ATP6V1C2: variants seen among roughly 807,000 people sequenced by gnomAD.
ATP6V1C2 encodes the protein ATPase H+ transporting V1 subunit C2.
A neutral mutation model predicts 56.8 loss-of-function variants in ATP6V1C2; 45 were observed. The observed-to-expected ratio is 0.79, with a 90% CI of 0.62 to 1.02. The LOEUF (loss-of-function observed/expected upper bound fraction) is 1.02. Among genes scored for constraint, ATP6V1C2 ranks in the 50% least tolerant of loss-of-function variants. The probability of loss-of-function intolerance (pLI) is 0.00; values close to 1 mark genes in which losing one functional copy is unlikely to be tolerated. For missense variants in ATP6V1C2, 463 were observed against 519.7 expected, an observed-to-expected ratio of 0.89 and a Z score of 1.06; for synonymous variants, 220 against 201.3, an observed-to-expected ratio of 1.09 and a Z score of -0.79.
At position 10,785,003 on chromosome 2, in the gene ATP6V1C2, C is replaced by T. The variant is rs201556867; in HGVS notation, c.*1740C>T. Reference sequence around the variant, plus strand: ...GGAAAGCCCCGCCTCCTACAGGTGCCGTGGAGCCACGCCCAAAAGAGAGCT... The same window carrying T: ...GGAAAGCCCCGCCTCCTACAGGTGCTGTGGAGCCACGCCCAAAAGAGAGCT... On this transcript the variant is annotated 3_prime_UTR_variant, in exon 14 of 14. Transcript: ENST00000272238. The T allele has an allele frequency of 1.3e-4, 206 of 1,583,344 alleles. 1 individual carries two copies. Among genetic ancestry groups the T allele is most frequent in the Admixed American group, 9.4e-4 (53 of 56,412 alleles).
In ATP6V1C2 at chr2:10,785,049, A is replaced by C; in HGVS notation, c.*1786A>C. ...GAGCTCCCTTAGGGAAAAATGACCA[A>C]AACACACACACACATTTACAATGGA... On this transcript the variant is annotated 3_prime_UTR_variant, in exon 14 of 14. Coordinates refer to ENST00000272238, the MANE Select transcript of ATP6V1C2 (RefSeq NM_001039362.2). 1 of 1,466,304 alleles carries C rather than the reference A, an allele frequency of 6.8e-7. No individual in the cohort carries two copies. The highest frequency in any genetic ancestry group is 9.4e-7 in the Non-Finnish European group (1 of 1,065,860). The allele number at this position is 1,466,304 out of a possible 1,614,324, so 90.8% of individuals were successfully genotyped here.
intron 4 of ATP6V1C2, among the ~76,000 whole-genome samples, chr2:10,762,709 C>G (rs1301066138): frequency 6.6e-6 from 1 of 152,116 alleles, no homozygotes; most frequent in African/African-American, 2.4e-5. Flanking sequence ...CCATCCCCAT[C>G]CCTCCCACCT....
rs561268987 is a variant in ATP6V1C2, at chr2:10,739,278, C to T, written c.197+12709C>T. ...AGCCTGGGCAATAAGAGCAAAACTC[C>T]GTCTCAAAAATAAATAAATAAATAA... On this transcript the variant is annotated intron_variant, in intron 3 of 13. Coordinates refer to ENST00000272238, the MANE Select transcript of ATP6V1C2 (RefSeq NM_001039362.2). 4.0e-4 allele frequency among the ~76,000 whole-genome samples: 60 copies of T among 148,942 alleles called. 1 individual carries two copies. Among genetic ancestry groups the T allele is most frequent in the South Asian group, 1.7e-3 (8 of 4,748 alleles).
chr2:10,775,007 A>G lies in ATP6V1C2; in HGVS notation c.761A>G (p.Glu254Gly). ...ACTGTTCGTGAATTTTACTATGATG[A>G]GAAGGAAATTGAAAGGGAAAGGGAG... ...KFTVREFYYDEKEIEREREEM... is the reference protein window; with the variant it reads ...KFTVREFYYDGKEIEREREEM... The change falls in exon 10 of 14, where the codon GAG becomes GGG. Residue 254 changes from glutamate (E) to glycine (G), a missense_variant. By Grantham distance (98) the Glu-to-Gly change is moderately conservative (BLOSUM62 -2). Coordinates refer to ENST00000272238, the MANE Select transcript of ATP6V1C2 (RefSeq NM_001039362.2). 6.2e-7 allele frequency: 1 copy of G among 1,614,052 alleles called. No homozygotes were observed. Among genetic ancestry groups the G allele is most frequent in the Non-Finnish European group, 8.5e-7 (1 of 1,180,008 alleles).
At position 10,768,766 on chromosome 2, in the gene ATP6V1C2, C is replaced by T. The variant is rs201222169; in HGVS notation, c.426C>T (p.Tyr142=). ...ACCTGAAGTCCCGAACGGCCGCCTA[C>T]AACACTCTGAAGACAAACCTGGAGA... The part of the protein sequence containing the change: ...EMDLKSRTAA[Y]NTLKTNLENL... The change falls in exon 6 of 14, where the codon TAC becomes TAT. Residue 142 remains tyrosine (Y), a synonymous_variant. Transcript: ENST00000272238. 17 of 1,614,076 alleles carry T rather than the reference C, an allele frequency of 1.1e-5. No homozygotes were observed. The East Asian group carries it at 3.3e-4, about 32-fold the overall frequency.
At chr2:10,728,774 CAA>C (rs370117201) in intron 3 of ATP6V1C2, among the ~76,000 whole-genome samples, 119 of 74,236 alleles carry the variant, frequency 1.6e-3, no homozygotes, top group African/African-American at 3.5e-3. Context: ...CACCCTGTCT[CAA>C]AAAAAAAAAA....
chr2:10,783,272 G>C lies in ATP6V1C2; in HGVS notation c.*9G>C. 6.3e-7 allele frequency: 1 copy of C among 1,584,474 alleles called. No homozygotes were observed. The highest frequency in any genetic ancestry group is 8.7e-7 in the Non-Finnish European group (1 of 1,153,220). On this transcript the variant is annotated 3_prime_UTR_variant, in exon 14 of 14. Transcript: ENST00000272238. ...TTAGTCTTCTTGACTAGAAAGGCCA[G>C]CTGGCACCTCTGTCTCATGTTCGTG...
At chr2:10,761,484 C>T (rs1663901079) in intron 4 of ATP6V1C2, among the ~76,000 whole-genome samples, 1 of 152,172 alleles carries the variant, frequency 6.6e-6, no homozygotes, top group African/African-American at 2.4e-5. Context: ...TGTACCCTTG[C>T]TACAAGGTCA....
intron 6 of ATP6V1C2, among the ~76,000 whole-genome samples, chr2:10,770,566 A>G (rs1664535206): frequency 6.6e-6 from 1 of 152,228 alleles, no homozygotes; most frequent in South Asian, 2.1e-4. Flanking sequence ...CCCACAGGCC[A>G]TGGGGCCATC....
In ATP6V1C2 at chr2:10,774,989, G is replaced by A. The variant is rs751303993; in HGVS notation, c.743G>A (p.Arg248His). ...TKAKENKFTV[R>H]EFYYDEKEIE... Reference sequence around the variant, plus strand: ...TTGCTTGTTTTAAGGTTCACTGTTCGTGAATTTTACTATGATGAGAAGGAA... The same window carrying A: ...TTGCTTGTTTTAAGGTTCACTGTTCATGAATTTTACTATGATGAGAAGGAA... Residue 248 changes from arginine to histidine, a missense_variant, in exon 10 of 14, where the codon CGT becomes CAT. Physicochemically the swap from Arg to His is conservative, Grantham distance 29 (BLOSUM62 0). Coordinates refer to ENST00000272238, the MANE Select transcript of ATP6V1C2 (RefSeq NM_001039362.2). The A allele has an allele frequency of 1.4e-5, 22 of 1,613,990 alleles. No individual in the cohort carries two copies. Among genetic ancestry groups the A allele is most frequent in the African/African-American group, 1.2e-4 (9 of 74,936 alleles).
At position 10,756,427 on chromosome 2, in the gene ATP6V1C2, T is replaced by C. The variant is rs183046480; in HGVS notation, c.283+2361T>C. 2.1e-3 allele frequency among the ~76,000 whole-genome samples: 323 copies of C among 151,128 alleles called. 1 individual carries two copies. The highest frequency in any genetic ancestry group is 7.5e-3 in the African/African-American group (310 of 41,132). ...TGTACCTTTTCCATGTTTAGAAATA[T>C]TTAGATATATTGCCGGGCGCAGTGG... On this transcript the variant is annotated intron_variant, in intron 4 of 13. Coordinates refer to ENST00000272238, the MANE Select transcript of ATP6V1C2 (RefSeq NM_001039362.2).
intron 6 of ATP6V1C2, 47 bp downstream of exon 6, chr2:10,768,857 G>A: frequency 6.6e-7 from 1 of 1,523,106 alleles, no homozygotes; most frequent in Non-Finnish European, 9.1e-7. Flanking sequence ...GGTCCTGGCG[G>A]GGGCTTAGCG....
chr2:10,729,085 G>T (rs559837635), intron 3 of ATP6V1C2, among the ~76,000 whole-genome samples: 2 of 149,748 alleles, frequency 1.3e-5, no homozygotes, highest in Non-Finnish European at 3.0e-5. Flanking sequence ...AGCCAAGATC[G>T]TGCCACTGCA....
Position 10,748,930 on chromosome 2 carries a change from A to G in ATP6V1C2, c.198-5051A>G, listed in dbSNP as rs187736353. ...GATTGCCTGAGGTCAGGAGTTCAAG[A>G]CCAGCCTGGCCAACATGGTGACACC... On this transcript the variant is annotated intron_variant, in intron 3 of 13. Coordinates refer to ENST00000272238, the MANE Select transcript of ATP6V1C2 (RefSeq NM_001039362.2). Among the ~76,000 whole-genome samples, 13 of 151,956 alleles carry G rather than the reference A, an allele frequency of 8.6e-5. No individual in the cohort carries two copies. In the East Asian group the frequency reaches 2.5e-3, roughly 29 times the overall value.
intron 3 of ATP6V1C2, 121 bp downstream of exon 3, chr2:10,726,690 G>A: frequency 1.1e-6 from 1 of 920,746 alleles, no homozygotes; most frequent in Middle Eastern, 2.8e-4. Flanking sequence ...CCAAAAGTGA[G>A]CAGAGAAAAC....
intron 8 of ATP6V1C2, among the ~76,000 whole-genome samples, chr2:10,774,454 G>A (rs1020682172): frequency 1.3e-5 from 2 of 152,240 alleles, no homozygotes; most frequent in Admixed American, 6.5e-5. Context: ...CAGGCAGCAC[G>A]TCAGAGCCAG....
At position 10,783,731 on chromosome 2, in the gene ATP6V1C2, A is replaced by C. The variant is rs1420168616; in HGVS notation, c.*468A>C. 1 of 157,322 alleles carries C rather than the reference A, an allele frequency of 6.4e-6. No individual in the cohort carries two copies. The highest frequency in any genetic ancestry group is 1.4e-5 in the Non-Finnish European group (1 of 71,222). The allele number at this position is 157,322 out of a possible 1,614,324, so 9.7% of individuals were successfully genotyped here. A position where few individuals can be genotyped will look rare whatever the true frequency, so the allele number is the denominator to read the frequency against. ...GGCATAGGTGGCACCATCTAAAGAA[A>C]AGAGGTCTTGTTTTTTGTTTAAAAA... On this transcript the variant is annotated 3_prime_UTR_variant, in exon 14 of 14. Transcript: ENST00000272238.
At chr2:10,724,235 T>G (rs535750220) in intron 2 of ATP6V1C2, among the ~76,000 whole-genome samples, 2 of 152,288 alleles carry the variant, frequency 1.3e-5, no homozygotes, top group Admixed American at 6.5e-5. Context: ...TACTCCCTTT[T>G]CAAACCTCAC....
intron 13 of ATP6V1C2, 39 bp downstream of exon 13, chr2:10,782,414 C>T: frequency 1.9e-6 from 3 of 1,602,986 alleles, no homozygotes; most frequent in Non-Finnish European, 2.6e-6. Flanking sequence ...ACAGTAAGCT[C>T]AGCATCTTAC....
Sources: gnomAD v4.1 joint callset for allele counts (sites outside exome capture counted in the v4.1 genomes callset) on GRCh38, gnomAD v4.1.1 for gene constraint, MANE v1.5 for transcripts, NCBI Gene and HGNC (gene_info 2026-07-23, HGNC 2026-07-21) for gene names.